CD109: variants seen among roughly 807,000 people sequenced by gnomAD.
CD109 encodes the protein CD109 antigen.
CD109 carries 149 observed loss-of-function variants against 165.8 expected under a neutral mutation model. The observed-to-expected ratio is 0.90, with a 90% CI of 0.79 to 1.03. The LOEUF (loss-of-function observed/expected upper bound fraction) is 1.03, where lower values mean the gene tolerates loss of function less well. Among genes scored for constraint, CD109 ranks in the 50% least tolerant of loss-of-function variants. The pLI is 0.00. For synonymous variants in CD109, 585 were observed against 592.1 expected (o/e 0.99, Z 0.18); for missense variants, 1,712 against 1,677.8 (o/e 1.02, Z -0.36).
chr6:73,795,166 T>C (rs551599759), intron 23 of CD109, among the ~76,000 whole-genome samples: 2 of 71,164 alleles, frequency 2.8e-5, no homozygotes, highest in African/African-American at 1.3e-4. Flanking sequence ...ATTAGACTGG[T>C]GCTTTATAAT....
Position 73,787,226 on chromosome 6 carries a change from T to C in CD109, c.2338-8T>C. The C allele has an allele frequency of 1.9e-6, 3 of 1,566,056 alleles. No homozygotes were observed. Among genetic ancestry groups the C allele is most frequent in the Non-Finnish European group, 2.6e-6 (3 of 1,139,532 alleles). ...ATACAAAAGCTTTGATTTATTTTTT[T>C]CTTTCAGGTTAAGGTAATCATTGAG... On this transcript the variant is annotated splice_region_variant and splice_polypyrimidine_tract_variant and intron_variant, in intron 20 of 32. Coordinates refer to ENST00000287097, the MANE Select transcript of CD109 (RefSeq NM_133493.5).
Position 73,812,668 on chromosome 6 carries a change from TA to T in CD109, c.3768+399del, listed in dbSNP as rs1775793804. 2.0e-5 allele frequency among the ~76,000 whole-genome samples: 3 copies of T among 152,206 alleles called. No individual in the cohort carries two copies. The South Asian group carries it at 6.2e-4, about 32-fold the overall frequency. ...TGTGTCCCTTTAATGTAAAATCTTA[TA>T]TAATAGTAAATATAACAATTAAAGC... On this transcript the variant is annotated intron_variant, in intron 29 of 32. Transcript: ENST00000287097.
chr6:73,805,337 G>C (rs113134673), intron 24 of CD109, among the ~76,000 whole-genome samples: 7,532 of 152,240 alleles, frequency 0.049, 264 homozygotes, highest in Middle Eastern at 0.11. Flanking sequence ...CTGTGCTTTA[G>C]ATATGCATAC....
At chr6:73,692,679 CAT>C (rs887940286), upstream of CD109, among the ~76,000 whole-genome samples, 11 of 152,326 alleles carry the variant, frequency 7.2e-5, no homozygotes, top group East Asian at 7.7e-4. Context: ...ATAATTCCCA[CAT>C]GTCACGGGAG....
At chr6:73,783,941 C>T in intron 19 of CD109, 117 bp downstream of exon 19, 2 of 608,158 alleles carry the variant, frequency 3.3e-6, no homozygotes, top group East Asian at 5.5e-5. Flanking sequence ...TTTAGAGATT[C>T]CTTGGCTTTG....
rs1392516317 is a variant in CD109 at position 73,806,452 on chromosome 6, G to A, written c.2961-392G>A. Among the ~76,000 whole-genome samples the A allele has an allele frequency of 2.0e-5, 3 of 152,100 alleles. No individual in the cohort carries two copies. In the South Asian group the frequency reaches 6.2e-4, roughly 32 times the overall value. ...GGTGCAGCACACCAACATGGCACAT[G>A]TACACATATGTAACAAACCTGCACG... On this transcript the variant is annotated intron_variant, in intron 24 of 32. Coordinates refer to ENST00000287097, the MANE Select transcript of CD109 (RefSeq NM_133493.5).
At position 73,767,003 on chromosome 6, in the gene CD109, G is replaced by GC; in HGVS notation, c.1491dup (p.Tyr498LeufsTer40). 6.2e-7 allele frequency: 1 copy of GC among 1,612,162 alleles called. No homozygotes were observed. Among genetic ancestry groups the GC allele is most frequent in the Non-Finnish European group, 8.5e-7 (1 of 1,178,616 alleles). On this transcript the variant is annotated frameshift_variant, in exon 13 of 33. Coordinates refer to ENST00000287097, the MANE Select transcript of CD109 (RefSeq NM_133493.5). LOFTEE classifies it high-confidence loss of function. ...GGCAACAAACGATTGAAGGAGTTAA[G>GC]CTATATGGTAATCTCTTATAGAATC...
At chr6:73,772,921 T>A (rs1774096856) in intron 15 of CD109, among the ~76,000 whole-genome samples, 1 of 151,628 alleles carries the variant, frequency 6.6e-6, no homozygotes, top group African/African-American at 2.4e-5. Context: ...TTTTTTTTTT[T>A]ACAACCAGTT....
intron 28 of CD109, among the ~76,000 whole-genome samples, chr6:73,811,524 T>G (rs1336207681): frequency 1.3e-5 from 2 of 152,114 alleles, no homozygotes; most frequent in East Asian, 3.8e-4. Context: ...AAACTGAGGC[T>G]GAGAGAGGTT....
chr6:73,719,654 A>C (rs1771872112), intron 2 of CD109, among the ~76,000 whole-genome samples: 1 of 152,226 alleles, frequency 6.6e-6, no homozygotes, highest in African/African-American at 2.4e-5. Context: ...TGATGAGATC[A>C]GAACAAATTC....
Position 73,758,986 on chromosome 6 carries a change from G to A in CD109, c.716G>A (p.Cys239Tyr). 1 of 1,607,930 alleles carries A rather than the reference G, an allele frequency of 6.2e-7. No individual in the cohort carries two copies. Among genetic ancestry groups the A allele is most frequent in the Non-Finnish European group, 8.5e-7 (1 of 1,175,026 alleles). Residue 239 changes from cysteine (C) to tyrosine (Y), a missense_variant, in exon 7 of 33, where the codon TGT (cysteine) becomes TAT (tyrosine). By Grantham distance (194) the Cys-to-Tyr change is radical. Transcript: ENST00000287097. ...FEVTLQTPLY[C>Y]SMNSKHLNGT... The stretch of plus-strand genomic sequence containing the variant: ...GTGACTTTGCAGACACCATTATATT[G>A]TTCTATGAATTCTAAGCATTTAAAT...
At position 73,766,866 on chromosome 6, in the gene CD109, G is replaced by A. The variant is rs1247708591; in HGVS notation, c.1434+6G>A. On this transcript the variant is annotated splice_donor_region_variant and intron_variant, in intron 12 of 32. Coordinates refer to ENST00000287097, the MANE Select transcript of CD109 (RefSeq NM_133493.5). ...CAAGAGATGAAAATATAAAGGTAAT[G>A]CTTACAATTCACTTGAGAATTACAA... The A allele has an allele frequency of 3.1e-6, 5 of 1,607,056 alleles. No individual in the cohort carries two copies. Among genetic ancestry groups the A allele is most frequent in the Non-Finnish European group, 4.3e-6 (5 of 1,174,082 alleles).
At chr6:73,766,658 T>G in intron 11 of CD109, 101 bp from the exon 12 acceptor site, 1 of 788,670 alleles carries the variant, frequency 1.3e-6, no homozygotes, top group Admixed American at 2.4e-5. Flanking sequence ...TAAAAAAAAG[T>G]GAAGATGAAT....
rs1030640253 is a variant in CD109 at position 73,827,501 on chromosome 6, G to A, written c.*3868G>A. 6.6e-6 allele frequency: 1 copy of A among 151,848 alleles called. No homozygotes were observed. The allele number at this position is 151,848 out of a possible 1,614,324, so 9.4% of individuals were successfully genotyped here. On this transcript the variant is annotated 3_prime_UTR_variant, in exon 33 of 33. Transcript: ENST00000287097. ...TTTATGTTAATATTAAATATCTTAT[G>A]TTACACTGGGAGTAATTTGAGGTGC...
chr6:73,732,613 C>G (rs934460425), intron 4 of CD109, among the ~76,000 whole-genome samples: 5 of 152,216 alleles, frequency 3.3e-5, no homozygotes, highest in Admixed American at 6.5e-5. Flanking sequence ...AAATGTCTGG[C>G]TATCTCTGGG....
At chr6:73,724,862 A>G (rs953215843) in intron 3 of CD109, among the ~76,000 whole-genome samples, 3 of 152,046 alleles carry the variant, frequency 2.0e-5, no homozygotes, top group African/African-American at 7.2e-5. Context: ...TTGGTCCCCC[A>G]AAGTGCTGGG....
chr6:73,815,212 A>T (rs41266757), intron 30 of CD109, 89 bp downstream of exon 30: 180 of 1,096,122 alleles, frequency 1.6e-4, no homozygotes, highest in Non-Finnish European at 2.0e-4. Flanking sequence ...TATCAATCTA[A>T]GAGTTATATT....
At chr6:73,785,547 G>A in intron 20 of CD109, 70 bp downstream of exon 20, 1 of 809,322 alleles carries the variant, frequency 1.2e-6, no homozygotes, top group Non-Finnish European at 2.0e-6. Flanking sequence ...AAGGGATTGG[G>A]TTGTGTAGTA....
At chr6:73,708,789 A>G (rs1289305554) in intron 2 of CD109, among the ~76,000 whole-genome samples, 2 of 152,174 alleles carry the variant, frequency 1.3e-5, no homozygotes, top group African/African-American at 2.4e-5. Context: ...TGGCTGCACA[A>G]ATGTCTTCTT....
Sources: gnomAD v4.1 joint callset for allele counts (sites outside exome capture counted in the v4.1 genomes callset) on GRCh38, gnomAD v4.1.1 for gene constraint, MANE v1.5 for transcripts, NCBI Gene and HGNC (gene_info 2026-07-23, HGNC 2026-07-21) for gene names.